The following ARL4D variants were observed in gnomAD, a reference collection of about 807,000 sequenced individuals.
ARL4D encodes the protein ADP-ribosylation factor-like protein 4D.
A neutral mutation model predicts 0.6 loss-of-function variants in ARL4D; 1 was observed. That is an observed-to-expected ratio of 1.64 (90% confidence interval 0.58 to 7.76). The LOEUF is 7.76. ARL4D is among the 30% of genes most tolerant of loss of function. ARL4D has a pLI of 0.14. For synonymous variants in ARL4D, 102 were observed against 115.2 expected, an observed-to-expected ratio of 0.89 and a Z score of 0.73; for missense variants, 230 against 264.5, an observed-to-expected ratio of 0.87 and a Z score of 0.90.
intron 1 of ARL4D, 142 bp from the exon 2 acceptor site, chr17:43,399,519 T>C (rs1167410388): frequency 1.6e-6 from 1 of 611,746 alleles, no homozygotes; most frequent in Non-Finnish European, 2.7e-6. Flanking sequence ...ACCTCTGTTA[T>C]GCCTTAAAAA....
In ARL4D at chr17:43,400,185, G is replaced by A; in HGVS notation, c.453G>A (p.Arg151=). The A allele has an allele frequency of 6.3e-7, 1 of 1,598,528 alleles. No homozygotes were observed. Among genetic ancestry groups the A allele is most frequent in the Non-Finnish European group, 8.5e-7 (1 of 1,174,200 alleles). Residue 151 remains arginine, a synonymous_variant, in exon 2 of 2, where the codon AGG becomes AGA. Coordinates refer to ENST00000320033, the MANE Select transcript of ARL4D (RefSeq NM_001661.4). The part of the protein sequence containing the change: ...GALSAAEVEK[R]LAVRELAAAT... ...TGAGCGCTGCTGAGGTGGAGAAGAG[G>A]CTGGCAGTCCGAGAGCTAGCAGCCG... is the stretch of plus-strand genomic sequence containing the variant.
rs1184318605 is a variant in ARL4D, at chr17:43,400,219, A to T, written c.487A>T (p.Thr163Ser). ...CCGAGAGCTAGCAGCCGCCACTCTCACTCATGTGCAAGGCTGCAGCGCTGT... is the reference window on the plus strand; with the variant it reads ...CCGAGAGCTAGCAGCCGCCACTCTCTCTCATGTGCAAGGCTGCAGCGCTGT... Reference protein sequence around the residue: ...AVRELAAATLTHVQGCSAVDG... With the variant: ...AVRELAAATLSHVQGCSAVDG... Residue 163 changes from threonine to serine, a missense_variant, in exon 2 of 2, where the codon ACT becomes TCT. This residue lies in a region of ARL4D where 131 missense variants were observed against 134.4 expected (regional missense o/e 0.97). Transcript: ENST00000320033. 1.2e-6 allele frequency: 2 copies of T among 1,602,642 alleles called. No individual in the cohort carries two copies. The highest frequency in any genetic ancestry group is 2.2e-5 in the South Asian group (2 of 89,802).
At position 43,400,153 on chromosome 17, in the gene ARL4D, G is replaced by A. The variant is rs776470066; in HGVS notation, c.421G>A (p.Gly141Arg). Reference sequence around the variant, plus strand: ...GCTGGCCAACAAGCAGGACCAGCCCGGGGCACTGAGCGCTGCTGAGGTGGA... The same window carrying A: ...GCTGGCCAACAAGCAGGACCAGCCCAGGGCACTGAGCGCTGCTGAGGTGGA... ...LVLANKQDQPGALSAAEVEKR... is the reference protein window; with the variant it reads ...LVLANKQDQPRALSAAEVEKR... The change falls in exon 2 of 2, where the codon GGG becomes AGG. Residue 141 changes from glycine to arginine, a missense_variant. Gly to Arg is a moderately radical substitution (Grantham distance 125, BLOSUM62 -2). Coordinates refer to ENST00000320033, the MANE Select transcript of ARL4D (RefSeq NM_001661.4). 2 of 1,607,316 alleles carry A rather than the reference G, an allele frequency of 1.2e-6. No individual in the cohort carries two copies. Among genetic ancestry groups the A allele is most frequent in the Admixed American group, 1.7e-5 (1 of 59,292 alleles).
chr17:43,400,653 A>C lies in ARL4D; in HGVS notation c.*315A>C. On this transcript the variant is annotated 3_prime_UTR_variant, in exon 2 of 2. Transcript: ENST00000320033. ...TCTCTGGCTAAAAATTTTTAATTGG[A>C]TGTGTTTGGGGGCGGGGGGATGGAA... 6.7e-5 allele frequency: 16 copies of C among 239,344 alleles called. No homozygotes were observed. Among genetic ancestry groups the C allele is most frequent in the East Asian group, 2.0e-4 (2 of 9,996 alleles). 14.8% of individuals were successfully genotyped at this position (239,344 alleles called of 1,614,324 possible). A position where few individuals can be genotyped will look rare whatever the true frequency, so the allele number is the denominator to read the frequency against.
At position 43,399,035 on chromosome 17, in the gene ARL4D, C is replaced by G. The variant is rs1046016761; in HGVS notation, c.-131C>G. On this transcript the variant is annotated 5_prime_UTR_variant, in exon 1 of 2. Transcript: ENST00000320033. The stretch of plus-strand genomic sequence containing the variant: ...GCGCGGTGGGTGTCTGCGGGGGTCT[C>G]GCGGGGCGGCTGCGGTGTTTCACCG... The G allele has an allele frequency of 6.6e-6, 1 of 152,350 alleles. No homozygotes were observed. Among genetic ancestry groups the G allele is most frequent in the Non-Finnish European group, 1.5e-5 (1 of 68,168 alleles). 9.4% of individuals were successfully genotyped at this position (152,350 alleles called of 1,614,324 possible).
chr17:43,400,497 CTG>C lies in ARL4D; in HGVS notation c.*160_*161del. On this transcript the variant is annotated 3_prime_UTR_variant, in exon 2 of 2. Transcript: ENST00000320033. ...TGGGGTGTCCCGTTTTGGTGCCACA[CTG>C]GGGTGGGGATGGGAGATGGGATGTC... 3.2e-6 allele frequency: 3 copies of C among 939,068 alleles called. No individual in the cohort carries two copies. 58.2% of individuals were successfully genotyped at this position (939,068 alleles called of 1,614,324 possible).
In ARL4D at chr17:43,400,612, T is replaced by C; in HGVS notation, c.*274T>C. 1 of 350,638 alleles carries C rather than the reference T, an allele frequency of 2.9e-6. No homozygotes were observed. Among genetic ancestry groups the C allele is most frequent in the South Asian group, 7.9e-5 (1 of 12,696 alleles). The allele number at this position is 350,638 out of a possible 1,614,324, so 21.7% of individuals were successfully genotyped here. Reference sequence around the variant, plus strand: ...GTAAACTGTGACTCTACCTCGACCCTGTTTCTTATTTTTCTTCTCTGGCTA... The same window carrying C: ...GTAAACTGTGACTCTACCTCGACCCCGTTTCTTATTTTTCTTCTCTGGCTA... On this transcript the variant is annotated 3_prime_UTR_variant, in exon 2 of 2. Coordinates refer to ENST00000320033, the MANE Select transcript of ARL4D (RefSeq NM_001661.4).
intron 1 of ARL4D, among the ~76,000 whole-genome samples, chr17:43,399,455 A>G: frequency 6.8e-6 from 1 of 146,210 alleles, no homozygotes; most frequent in Non-Finnish European, 1.5e-5. Flanking sequence ...AGGACCTGGG[A>G]GTCTCTCTAG....
Position 43,400,383 on chromosome 17 carries a change from C to T in ARL4D, c.*45C>T, listed in dbSNP as rs369611018. ...TCCTCCCACCTAGTAGGGGTCTGCA[C>T]ACTTGGACAGCAGGGTGGGACCAGC... On this transcript the variant is annotated 3_prime_UTR_variant, in exon 2 of 2. Coordinates refer to ENST00000320033, the MANE Select transcript of ARL4D (RefSeq NM_001661.4). The T allele has an allele frequency of 6.5e-6, 10 of 1,530,322 alleles. No homozygotes were observed. The highest frequency in any genetic ancestry group is 2.3e-5 in the East Asian group (1 of 44,144). 94.8% of individuals were successfully genotyped at this position (1,530,322 alleles called of 1,614,324 possible).
rs1188476998 is a variant in ARL4D, at chr17:43,399,943, A to T, written c.211A>T (p.Thr71Ser). The T allele has an allele frequency of 6.2e-7, 1 of 1,613,700 alleles. No individual in the cohort carries two copies. The highest frequency in any genetic ancestry group is 8.5e-7 in the Non-Finnish European group (1 of 1,179,958). Residue 71 changes from threonine (T) to serine (S), a missense_variant, in exon 2 of 2, where the codon ACC becomes TCC. This residue lies in a region of ARL4D where 91 missense variants were observed against 100.4 expected (regional missense o/e 0.91). Coordinates refer to ENST00000320033, the MANE Select transcript of ARL4D (RefSeq NM_001661.4). ...RVPLGGSRGI[T>S]FQVWDVGGQE... ...GCCCCTCGGGGGATCGCGTGGCATC[A>T]CCTTCCAAGTGTGGGACGTCGGGGG...
In ARL4D at chr17:43,400,445, T is replaced by C. The variant is rs942197588; in HGVS notation, c.*107T>C. On this transcript the variant is annotated 3_prime_UTR_variant, in exon 2 of 2. Coordinates refer to ENST00000320033, the MANE Select transcript of ARL4D (RefSeq NM_001661.4). ...CAGTCAGACTGGGGTGCAGGACCTG[T>C]CCACCTCAATGAAGGAGAGAGGAGC... 7.1e-7 allele frequency: 1 copy of C among 1,407,120 alleles called. No individual in the cohort carries two copies. The highest frequency in any genetic ancestry group is 9.6e-7 in the Non-Finnish European group (1 of 1,046,324). The allele number at this position is 1,407,120 out of a possible 1,614,324, so 87.2% of individuals were successfully genotyped here. A position where few individuals can be genotyped will look rare whatever the true frequency, so the allele number is the denominator to read the frequency against.
chr17:43,399,783 C>T lies in ARL4D; in HGVS notation c.51C>T (p.Pro17=), dbSNP rs1178564343. ...CGCCCACTGCCTCCTCCTTCTTGCC[C>T]CACTTCCAAGCCCTGCATGTCGTGG... is the stretch of plus-strand genomic sequence containing the variant. ...EMAPTASSFL[P]HFQALHVVVI... Residue 17 remains proline, a synonymous_variant, in exon 2 of 2, where the codon CCC becomes CCT. Transcript: ENST00000320033. 2.5e-6 allele frequency: 4 copies of T among 1,613,912 alleles called. No homozygotes were observed. Among genetic ancestry groups the T allele is most frequent in the East Asian group, 4.5e-5 (2 of 44,848 alleles).
At position 43,399,707 on chromosome 17, in the gene ARL4D, G is replaced by A; in HGVS notation, c.-26G>A. 1.9e-6 allele frequency: 3 copies of A among 1,591,008 alleles called. No individual in the cohort carries two copies. Among genetic ancestry groups the A allele is most frequent in the South Asian group, 1.1e-5 (1 of 89,244 alleles). On this transcript the variant is annotated 5_prime_UTR_variant, in exon 2 of 2. Transcript: ENST00000320033. The stretch of plus-strand genomic sequence containing the variant: ...GAACCTTCAATTTCAAGGCCTCCCT[G>A]CCTCTACTAGGCGCCTTAGCTCACT...
Position 43,400,248 on chromosome 17 carries a change from C to A in ARL4D, c.516C>A (p.Asp172Glu). ...ATGTGCAAGGCTGCAGCGCTGTGGA[C>A]GGTCTGGGCCTGCAGCAGGGCCTTG... is the stretch of plus-strand genomic sequence containing the variant. ...LTHVQGCSAV[D>E]GLGLQQGLER... The change falls in exon 2 of 2, where the codon GAC (aspartate) becomes GAA (glutamate). Residue 172 changes from aspartate to glutamate, a missense_variant. By Grantham distance (45) the Asp-to-Glu change is conservative. Coordinates refer to ENST00000320033, the MANE Select transcript of ARL4D (RefSeq NM_001661.4). The A allele has an allele frequency of 3.1e-6, 5 of 1,607,612 alleles. No individual in the cohort carries two copies. The highest frequency in any genetic ancestry group is 4.2e-6 in the Non-Finnish European group (5 of 1,178,132).
Position 43,400,481 on chromosome 17 carries a change from C to A in ARL4D, c.*143C>A. ...GAAGGAGAGAGGAGCATGGGGTGTC[C>A]CGTTTTGGTGCCACACTGGGGTGGG... On this transcript the variant is annotated 3_prime_UTR_variant, in exon 2 of 2. Transcript: ENST00000320033. 2 of 1,131,584 alleles carry A rather than the reference C, an allele frequency of 1.8e-6. No homozygotes were observed. The highest frequency in any genetic ancestry group is 1.2e-6 in the Non-Finnish European group (1 of 807,410). The allele number at this position is 1,131,584 out of a possible 1,614,324, so 70.1% of individuals were successfully genotyped here.
chr17:43,399,565 G>T, intron 1 of ARL4D, 96 bp from the exon 2 acceptor site: 2 of 815,190 alleles, frequency 2.5e-6, no homozygotes, highest in Non-Finnish European at 3.7e-6. Context: ...AAAAATGAAG[G>T]ATGGGAGGGT....
In ARL4D at chr17:43,400,043, C is replaced by G. The variant is rs955391996; in HGVS notation, c.311C>G (p.Ala104Gly). 2.5e-6 allele frequency: 4 copies of G among 1,613,822 alleles called. No individual in the cohort carries two copies. The highest frequency in any genetic ancestry group is 2.5e-6 in the Non-Finnish European group (3 of 1,180,022). ...TDGLVFVVDAAEAERLEEAKV... is the reference protein window; with the variant it reads ...TDGLVFVVDAGEAERLEEAKV... ...GGTCTAGTGTTTGTGGTGGACGCTG[C>G]GGAGGCTGAGCGGCTGGAGGAAGCC... Residue 104 changes from alanine to glycine, a missense_variant, in exon 2 of 2, where the codon GCG becomes GGG. Ala to Gly is a moderately conservative substitution (Grantham distance 60). This residue lies in a region of ARL4D where 131 missense variants were observed against 134.4 expected (regional missense o/e 0.97). Transcript: ENST00000320033.
In ARL4D at chr17:43,401,002, A is replaced by G. The variant is rs545809444; in HGVS notation, c.*664A>G. On this transcript the variant is annotated 3_prime_UTR_variant, in exon 2 of 2. Coordinates refer to ENST00000320033, the MANE Select transcript of ARL4D (RefSeq NM_001661.4). ...CCCAGAGACAATTCAAGATTTCTAT[A>G]TGGGGTTGTGGCGCAGGGGGAGGGA... 7.8e-5 allele frequency: 13 copies of G among 167,048 alleles called. No individual in the cohort carries two copies. Among genetic ancestry groups the G allele is most frequent in the African/African-American group, 2.4e-4 (10 of 41,512 alleles). The allele number at this position is 167,048 out of a possible 1,614,324, so 10.3% of individuals were successfully genotyped here.
In ARL4D at chr17:43,399,736, G is replaced by T; in HGVS notation, c.4G>T (p.Gly2Trp). 1 of 1,611,880 alleles carries T rather than the reference G, an allele frequency of 6.2e-7. No individual in the cohort carries two copies. The highest frequency in any genetic ancestry group is 8.5e-7 in the Non-Finnish European group (1 of 1,178,392). ...CTACTAGGCGCCTTAGCTCACTATG[G>T]GGAACCACTTGACTGAGATGGCGCC... M[G>W]NHLTEMAPTA... The change falls in exon 2 of 2, where the codon GGG becomes TGG. Residue 2 changes from glycine (G) to tryptophan (W), a missense_variant. By Grantham distance (184) the Gly-to-Trp change is radical (BLOSUM62 -2). This residue lies in a region of ARL4D where 91 missense variants were observed against 100.4 expected (regional missense o/e 0.91). Transcript: ENST00000320033.
Sources: gnomAD v4.1 joint callset for allele counts (sites outside exome capture counted in the v4.1 genomes callset) on GRCh38, gnomAD v4.1.1 for gene constraint, gnomAD v4.1.1 regional missense constraint, MANE v1.5 for transcripts, NCBI Gene and HGNC (gene_info 2026-07-23, HGNC 2026-07-21) for gene names.